Variants in RB1 observed in about 807,000 individuals in gnomAD.
The protein encoded by RB1 is RB transcriptional corepressor 1.
A neutral mutation model predicts 135.4 loss-of-function variants in RB1; 18 were observed. That is an observed-to-expected ratio of 0.13 (90% CI 0.09 to 0.20). The LOEUF is 0.20. RB1 is among the 10% of genes least tolerant of loss of function. The pLI is 1.00. For synonymous variants in RB1, 365 were observed against 373.2 expected, an observed-to-expected ratio of 0.98 and a Z score of 0.25; for missense variants, 868 against 1,110.0, an observed-to-expected ratio of 0.78 and a Z score of 3.10.
At chr13:48,380,341 G>A in intron 16 of RB1, 100 bp downstream of exon 16, 1 of 878,770 alleles carries the variant, frequency 1.1e-6, no homozygotes, top group Non-Finnish European at 1.8e-6. Context: ...AGGTTAAGGA[G>A]AAGGAATGCT....
chr13:48,398,669 C>G (rs983607939), intron 17 of RB1, among the ~76,000 whole-genome samples: 6 of 151,986 alleles, frequency 3.9e-5, no homozygotes, highest in Admixed American at 3.9e-4. Flanking sequence ...TTCCAAATTC[C>G]ATACTGGTTT....
At chr13:48,363,443 G>C (rs1341097748) in intron 8 of RB1, among the ~76,000 whole-genome samples, 1 of 152,116 alleles carries the variant, frequency 6.6e-6, no homozygotes, top group African/African-American at 2.4e-5. Flanking sequence ...TGTAGTCCCA[G>C]CTACTTGGAA....
intron 20 of RB1, among the ~76,000 whole-genome samples, chr13:48,462,296 G>A (rs765500244): frequency 7.9e-5 from 12 of 151,158 alleles, no homozygotes; most frequent in Admixed American, 6.6e-4. Context: ...GCTAATTTTT[G>A]TATTTTTTTG....
chr13:48,464,240 G>T (rs557259697), intron 21 of RB1, among the ~76,000 whole-genome samples: 11 of 152,204 alleles, frequency 7.2e-5, no homozygotes, highest in African/African-American at 2.2e-4. Context: ...TGTGTTTCCG[G>T]TTTACCTTCC....
chr13:48,380,134 G>A (rs1948522132), intron 15 of RB1, 31 bp from the exon 16 acceptor site: 5 of 1,486,824 alleles, frequency 3.4e-6, no homozygotes, highest in Non-Finnish European at 4.5e-6. Flanking sequence ...ATAGAAGTAA[G>A]TATTTTATAA....
At chr13:48,344,317 G>A (rs1952473014) in intron 3 of RB1, among the ~76,000 whole-genome samples, 1 of 152,180 alleles carries the variant, frequency 6.6e-6, no homozygotes, top group South Asian at 2.1e-4. Context: ...ATTTTGGTGT[G>A]TATCTCTGAC....
intron 2 of RB1, among the ~76,000 whole-genome samples, chr13:48,337,240 C>T (rs1428385728): frequency 2.0e-5 from 3 of 152,094 alleles, no homozygotes; most frequent in Non-Finnish European, 4.4e-5. Context: ...TCCTTGTTAA[C>T]GTTCTGACTC....
chr13:48,354,809 T>C (rs931396965), intron 6 of RB1, among the ~76,000 whole-genome samples: 1 of 151,822 alleles, frequency 6.6e-6, no homozygotes, highest in African/African-American at 2.4e-5. Flanking sequence ...CAAGAACATA[T>C]GCTGGGGAAA....
chr13:48,380,253 T>G lies in RB1; in HGVS notation c.1498+12T>G, dbSNP rs1948523795. ...GGCCACATATAGCAGTAAGTTAAAT[T>G]TTCATAAATAAACACTTTTGTTCAA... On this transcript the variant is annotated intron_variant, in intron 16 of 26. Coordinates refer to ENST00000267163, the MANE Select transcript of RB1 (RefSeq NM_000321.3). 6.4e-7 allele frequency: 1 copy of G among 1,561,864 alleles called. No homozygotes were observed. Among genetic ancestry groups the G allele is most frequent in the Non-Finnish European group, 8.8e-7 (1 of 1,135,396 alleles).
intron 17 of RB1, among the ~76,000 whole-genome samples, chr13:48,410,870 G>A (rs1250305332): frequency 6.6e-6 from 1 of 152,020 alleles, no homozygotes; most frequent in Admixed American, 6.6e-5. Flanking sequence ...TTCTACAGAA[G>A]ACTACGTTTT....
chr13:48,367,457 T>C (rs751170051), intron 9 of RB1, 37 bp from the exon 10 acceptor site: 2 of 1,586,952 alleles, frequency 1.3e-6, no homozygotes, highest in South Asian at 2.2e-5. Flanking sequence ...TGTAATGACA[T>C]GTAAAGGATA....
At position 48,479,979 on chromosome 13, in the gene RB1, T is replaced by C; in HGVS notation, c.2714-19T>C. The stretch of plus-strand genomic sequence containing the variant: ...CCAGTACCATCAATGCTGTTAACAG[T>C]TCTTCATCCTTTTTCCAGCTTCTAC... On this transcript the variant is annotated intron_variant, in intron 26 of 26. Transcript: ENST00000267163. 1 of 1,606,908 alleles carries C rather than the reference T, an allele frequency of 6.2e-7. No homozygotes were observed. Among genetic ancestry groups the C allele is most frequent in the Non-Finnish European group, 8.5e-7 (1 of 1,174,398 alleles).
chr13:48,349,373 T>C (rs981942065), intron 6 of RB1, among the ~76,000 whole-genome samples: 4 of 151,886 alleles, frequency 2.6e-5, no homozygotes, highest in Non-Finnish European at 5.9e-5. Context: ...CACCCAGGGA[T>C]AATCGGCATT....
At chr13:48,343,814 T>C in intron 3 of RB1, among the ~76,000 whole-genome samples, 1 of 152,234 alleles carries the variant, frequency 6.6e-6, no homozygotes, top group East Asian at 1.9e-4. Context: ...TCTGATCTTC[T>C]ATTCTTTGTC....
At chr13:48,451,669 T>G (rs1292153827) in intron 17 of RB1, among the ~76,000 whole-genome samples, 1 of 151,848 alleles carries the variant, frequency 6.6e-6, no homozygotes, top group African/African-American at 2.4e-5. Context: ...CCTTTCAATT[T>G]TTTAGAATAG....
chr13:48,458,186 G>T (rs1050698148), intron 19 of RB1, among the ~76,000 whole-genome samples: 3 of 152,210 alleles, frequency 2.0e-5, no homozygotes, highest in African/African-American at 7.2e-5. Flanking sequence ...CAGGTGTGAT[G>T]TACATACAAA....
intron 17 of RB1, among the ~76,000 whole-genome samples, chr13:48,386,987 T>C (rs1267368704): frequency 1.3e-5 from 2 of 152,184 alleles, no homozygotes; most frequent in Non-Finnish European, 2.9e-5. Flanking sequence ...AACTAACCTT[T>C]AAGAAACTAT....
At position 48,380,110 on chromosome 13, in the gene RB1, A is replaced by C. The variant is rs766077872; in HGVS notation, c.1421+26A>C. ...GTAAATTTTTTACTTTTAGTAAAAA[A>C]TTTTTTTCTTTTTATAGAAGTAAGT... is the stretch of plus-strand genomic sequence containing the variant. On this transcript the variant is annotated intron_variant, in intron 15 of 26. Coordinates refer to ENST00000267163, the MANE Select transcript of RB1 (RefSeq NM_000321.3). The C allele has an allele frequency of 9.1e-5, 132 of 1,447,102 alleles. No homozygotes were observed. Among genetic ancestry groups the C allele is most frequent in the Admixed American group, 7.0e-4 (29 of 41,498 alleles). 89.6% of individuals were successfully genotyped at this position (1,447,102 alleles called of 1,614,324 possible).
intron 2 of RB1, among the ~76,000 whole-genome samples, chr13:48,342,273 C>T (rs1952451723): frequency 6.6e-6 from 1 of 151,692 alleles, no homozygotes; most frequent in Non-Finnish European, 1.5e-5. Context: ...GATCTCTTAA[C>T]TTAGCTTCAG....
Sources: gnomAD v4.1 joint callset for allele counts (sites outside exome capture counted in the v4.1 genomes callset) on GRCh38, gnomAD v4.1.1 for gene constraint, MANE v1.5 for transcripts, NCBI Gene and HGNC (gene_info 2026-07-23, HGNC 2026-07-21) for gene names.